Variants in POLDIP3 observed in about 807,000 individuals in gnomAD.
POLDIP3 encodes polymerase delta-interacting protein 3.
In POLDIP3, 14 loss-of-function variants were observed where a neutral mutation model predicts 45.1. The observed-to-expected ratio is 0.31, with a 90% CI of 0.20 to 0.49. The LOEUF is 0.49. Ranked by LOEUF, POLDIP3 falls within the 20% of genes least tolerant of loss-of-function variation. POLDIP3 has a pLI of 0.99. For synonymous variants in POLDIP3, 223 were observed against 205.2 expected (o/e 1.09, Z -0.74); for missense variants, 511 against 538.8 (o/e 0.95, Z 0.51).
Position 42,603,040 on chromosome 22 carries a change from A to G in POLDIP3, c.180T>C (p.Ile60=), listed in dbSNP as rs763515592. 1.2e-5 allele frequency: 19 copies of G among 1,614,148 alleles called. No individual in the cohort carries two copies. The highest frequency in any genetic ancestry group is 1.5e-5 in the Non-Finnish European group (18 of 1,180,010). Residue 60 remains isoleucine (I), a synonymous_variant, in exon 2 of 9, where the codon ATT becomes ATC. Coordinates refer to ENST00000252115, the MANE Select transcript of POLDIP3 (RefSeq NM_032311.5). The stretch of plus-strand genomic sequence containing the variant: ...GTTTGAGCCGGGCATCTGAGAGGCC[A>G]ATCTTCTGCCGGGCATCAAATCTCT... The part of the protein sequence containing the change: ...FQQRFDARQK[I]GLSDARLKLG...
intron 2 of POLDIP3, among the ~76,000 whole-genome samples, chr22:42,602,376 T>G (rs1263551879): frequency 6.6e-6 from 1 of 152,174 alleles, no homozygotes; most frequent in Non-Finnish European, 1.5e-5. Context: ...CTGTGAAGGG[T>G]GGCCAGGGCC....
At position 42,596,262 on chromosome 22, in the gene POLDIP3, C is replaced by G. The variant is rs200124663; in HGVS notation, c.737G>C (p.Arg246Pro). The change falls in exon 5 of 9, where the codon CGA (arginine) becomes CCA (proline). Residue 246 changes from arginine (R) to proline (P), a missense_variant. This residue lies in a region of POLDIP3 where 378 missense variants were observed against 352.3 expected (regional missense o/e 1.07). Transcript: ENST00000252115. Reference sequence around the variant, plus strand: ...GGACATGTTGGTCAAGGCTTTTGTTCGAATAGAGGAAGGGAGAGCAGGAGC... The same window carrying G: ...GGACATGTTGGTCAAGGCTTTTGTTGGAATAGAGGAAGGGAGAGCAGGAGC... ...YTAPALPSSI[R>P]TKALTNMSRT... 5.0e-6 allele frequency: 8 copies of G among 1,614,042 alleles called. No homozygotes were observed. The South Asian group carries it at 6.6e-5, about 13-fold the overall frequency.
chr22:42,599,940 CTG>C, intron 3 of POLDIP3, 147 bp from the exon 4 acceptor site: 1 of 613,180 alleles, frequency 1.6e-6, no homozygotes, highest in East Asian at 2.8e-5. Flanking sequence ...CCTGGAAAGA[CTG>C]GGGCCCAAGT....
At chr22:42,596,576 C>T (rs900587599) in intron 4 of POLDIP3, among the ~76,000 whole-genome samples, 1 of 152,128 alleles carries the variant, frequency 6.6e-6, no homozygotes, top group African/African-American at 2.4e-5. Flanking sequence ...AGCCTGAACG[C>T]GCACTCACAG....
intron 1 of POLDIP3, 40 bp from the exon 2 acceptor site, chr22:42,603,200 G>A (rs565240962): frequency 6.3e-7 from 1 of 1,594,716 alleles, no homozygotes; most frequent in African/African-American, 1.3e-5. Flanking sequence ...GTGGATCTGG[G>A]TATCTACAGC....
chr22:42,591,144 C>G (rs1447615968), intron 7 of POLDIP3, among the ~76,000 whole-genome samples: 3 of 150,892 alleles, frequency 2.0e-5, no homozygotes, highest in Non-Finnish European at 1.5e-5. Flanking sequence ...AAGTATCTTT[C>G]CACATCCAAA....
intron 1 of POLDIP3, among the ~76,000 whole-genome samples, chr22:42,603,373 A>G (rs1472129867): frequency 3.3e-5 from 5 of 152,158 alleles, no homozygotes. Flanking sequence ...CAAAATTAAG[A>G]GAGAGGGGCT....
chr22:42,614,160 T>G lies in POLDIP3; in HGVS notation c.59+639A>C, dbSNP rs546913877. On this transcript the variant is annotated intron_variant, in intron 1 of 8. Coordinates refer to ENST00000252115, the MANE Select transcript of POLDIP3 (RefSeq NM_032311.5). ...TCAGTTCTCCGTGGCCTCGGGCAAG[T>G]CACTCTACCACTTCCAGCCTCAAGT... Among the ~76,000 whole-genome samples the G allele has an allele frequency of 5.9e-5, 9 of 152,256 alleles. No individual in the cohort carries two copies. The South Asian group carries it at 1.9e-3, about 32-fold the overall frequency.
At chr22:42,587,952 A>G (rs1925417009) in intron 7 of POLDIP3, among the ~76,000 whole-genome samples, 1 of 152,242 alleles carries the variant, frequency 6.6e-6, no homozygotes, top group South Asian at 2.1e-4. Context: ...CTCTGTCTAC[A>G]AAGGATGAAG....
At chr22:42,592,644 A>C (rs1031462018) in intron 6 of POLDIP3, among the ~76,000 whole-genome samples, 1 of 152,190 alleles carries the variant, frequency 6.6e-6, no homozygotes, top group Non-Finnish European at 1.5e-5. Context: ...ATCTGCTATG[A>C]GACGTCTAGC....
At chr22:42,604,971 C>T (rs1273827341) in intron 1 of POLDIP3, among the ~76,000 whole-genome samples, 1 of 152,106 alleles carries the variant, frequency 6.6e-6, no homozygotes, top group Non-Finnish European at 1.5e-5. Flanking sequence ...GGAAGAAGCC[C>T]CAGAAAGCTC....
intron 8 of POLDIP3, among the ~76,000 whole-genome samples, chr22:42,586,553 CAT>C (rs1294274018): frequency 6.6e-6 from 1 of 152,162 alleles, no homozygotes; most frequent in Non-Finnish European, 1.5e-5. Flanking sequence ...CATCCATTAG[CAT>C]ATTACACAAT....
At chr22:42,587,288 G>A (rs941277026) in intron 8 of POLDIP3, among the ~76,000 whole-genome samples, 2 of 152,184 alleles carry the variant, frequency 1.3e-5, no homozygotes, top group African/African-American at 4.8e-5. Flanking sequence ...AGCTGAGAAC[G>A]AGATCATAAT....
intron 4 of POLDIP3, among the ~76,000 whole-genome samples, chr22:42,598,396 G>A (rs1258207577): frequency 2.6e-5 from 4 of 151,690 alleles, no homozygotes; most frequent in East Asian, 4.0e-4. Flanking sequence ...GACTACAGGC[G>A]CACACCACCA....
intron 3 of POLDIP3, among the ~76,000 whole-genome samples, chr22:42,600,505 A>T (rs1926288927): frequency 6.6e-6 from 1 of 152,154 alleles, no homozygotes. Context: ...ATGCGCCTGT[A>T]GTCCCAGCTA....
chr22:42,602,156 T>C (rs759873388), intron 2 of POLDIP3, 100 bp from the exon 3 acceptor site: 1 of 1,582,920 alleles, frequency 6.3e-7, no homozygotes, highest in South Asian at 1.1e-5. Flanking sequence ...CATGCAGCTT[T>C]GGTCTTTGGT....
At chr22:42,605,899 T>C (rs2146829131) in intron 1 of POLDIP3, among the ~76,000 whole-genome samples, 1 of 152,272 alleles carries the variant, frequency 6.6e-6, no homozygotes, top group East Asian at 1.9e-4. Context: ...CCCAGCACTT[T>C]GGGAGGCCGA....
rs147468006 is a variant in POLDIP3, at chr22:42,595,546, C to T, written c.882G>A (p.Glu294=). Reference sequence around the variant, plus strand: ...AGGTCACAGTACTTACAACAATGTCCTCCTCAGTGACTCGAGGGTGCAGAT... The same window carrying T: ...AGGTCACAGTACTTACAACAATGTCTTCCTCAGTGACTCGAGGGTGCAGAT... ...VNNLHPRVTE[E]DIVELFCVCG... is the part of the protein sequence containing the mutation. The change falls in exon 6 of 9, where the codon GAG becomes GAA. Residue 294 remains glutamate (E), a synonymous_variant. Coordinates refer to ENST00000252115, the MANE Select transcript of POLDIP3 (RefSeq NM_032311.5). The T allele has an allele frequency of 1.8e-5, 29 of 1,613,726 alleles. No individual in the cohort carries two copies. The highest frequency in any genetic ancestry group is 2.5e-5 in the Non-Finnish European group (29 of 1,179,738).
chr22:42,610,603 A>G (rs927535395), intron 1 of POLDIP3, among the ~76,000 whole-genome samples: 2 of 152,188 alleles, frequency 1.3e-5, no homozygotes, highest in Non-Finnish European at 2.9e-5. Flanking sequence ...GGATGCCCTC[A>G]TATCTAAAGG....
Sources: gnomAD v4.1 joint callset for allele counts (sites outside exome capture counted in the v4.1 genomes callset) on GRCh38, gnomAD v4.1.1 for gene constraint, gnomAD v4.1.1 regional missense constraint, MANE v1.5 for transcripts, NCBI Gene and HGNC (gene_info 2026-07-23, HGNC 2026-07-21) for gene names.